Variants in ARFGEF1 observed in about 807,000 individuals in gnomAD.
ARFGEF1 encodes brefeldin A-inhibited guanine nucleotide-exchange protein 1.
Under a neutral mutation model 231.0 loss-of-function variants are expected in ARFGEF1, and 42 were observed. The observed-to-expected ratio is 0.18, with a 90% CI of 0.14 to 0.24. The LOEUF is 0.24. ARFGEF1 is among the 10% of genes least tolerant of loss of function. The probability of loss-of-function intolerance (pLI) is 1.00; values close to 1 mark genes in which losing one functional copy is unlikely to be tolerated. For synonymous variants in ARFGEF1, 710 were observed against 732.3 expected (o/e 0.97, Z 0.49); for missense variants, 1,345 against 2,192.0 (o/e 0.61, Z 7.72).
chr8:67,220,719 G>A (rs911000275), intron 29 of ARFGEF1, among the ~76,000 whole-genome samples: 3 of 152,078 alleles, frequency 2.0e-5, no homozygotes, highest in African/African-American at 4.8e-5. Context: ...AGGCTCCCTC[G>A]TCCTCCATCT....
intron 1 of ARFGEF1, among the ~76,000 whole-genome samples, chr8:67,319,694 T>C (rs1414222428): frequency 6.6e-6 from 1 of 151,968 alleles, no homozygotes; most frequent in African/African-American, 2.4e-5. Flanking sequence ...AAAGAAAAAA[T>C]AAAATGGATT....
chr8:67,286,428 G>A, intron 7 of ARFGEF1, among the ~76,000 whole-genome samples: 1 of 152,164 alleles, frequency 6.6e-6, no homozygotes, highest in Non-Finnish European at 1.5e-5. Context: ...TTTTATAAAG[G>A]GTCAGATGAT....
At chr8:67,239,968 G>C (rs575788558) in intron 20 of ARFGEF1, among the ~76,000 whole-genome samples, 194 bp downstream of exon 20, 1 of 152,144 alleles carries the variant, frequency 6.6e-6, no homozygotes, top group South Asian at 2.1e-4. Context: ...GATAAACTTA[G>C]ACAGATCAGT....
At chr8:67,323,395 A>G (rs1027546518) in intron 1 of ARFGEF1, among the ~76,000 whole-genome samples, 5 of 152,202 alleles carry the variant, frequency 3.3e-5, no homozygotes, top group Admixed American at 2.0e-4. Flanking sequence ...ATAACTTAAA[A>G]GTTGATCTAC....
rs1194032624 is a variant in ARFGEF1 at position 67,222,212 on chromosome 8, CAT to C, written c.4209-2654_4209-2653del. 8.4e-3 allele frequency among the ~76,000 whole-genome samples: 985 copies of C among 117,878 alleles called. 12 individuals carry two copies. The highest frequency in any genetic ancestry group is 0.012 in the African/African-American group (345 of 28,458). 77.3% of individuals were successfully genotyped at this position (117,878 alleles called of 152,430 possible). A position where few individuals can be genotyped will look rare whatever the true frequency, so the allele number is the denominator to read the frequency against. On this transcript the variant is annotated intron_variant, in intron 29 of 38. Transcript: ENST00000262215. ...ATATATATATATATATATACACACA[CAT>C]ATATATATATGTATATGTATGTATG...
At chr8:67,236,059 C>T in intron 22 of ARFGEF1, among the ~76,000 whole-genome samples, 1 of 151,560 alleles carries the variant, frequency 6.6e-6, no homozygotes, top group Non-Finnish European at 1.5e-5. Flanking sequence ...CTTTGGGACG[C>T]CAAGGCGGGC....
chr8:67,211,274 G>A (rs1258321372), intron 34 of ARFGEF1, among the ~76,000 whole-genome samples: 2 of 150,490 alleles, frequency 1.3e-5, no homozygotes, highest in East Asian at 3.9e-4. Context: ...AACCCGGGAG[G>A]CGGAGGTTGC....
At chr8:67,275,494 T>C (rs540562065) in intron 9 of ARFGEF1, among the ~76,000 whole-genome samples, 1 of 152,258 alleles carries the variant, frequency 6.6e-6, no homozygotes, top group East Asian at 1.9e-4. Flanking sequence ...TATCTTTCAT[T>C]ACAACTTTTA....
At position 67,199,012 on chromosome 8, in the gene ARFGEF1, TC is replaced by T. The variant is rs751561947; in HGVS notation, c.5471del (p.Arg1824LysfsTer9). 1 of 1,613,082 alleles carries T rather than the reference TC, an allele frequency of 6.2e-7. No homozygotes were observed. Among genetic ancestry groups the T allele is most frequent in the Non-Finnish European group, 8.5e-7 (1 of 1,179,786 alleles). On this transcript the variant is annotated frameshift_variant, in exon 39 of 39. Transcript: ENST00000262215. LOFTEE classifies it high-confidence loss of function. ...DLIPELRAVL[R>X]RFFLRIGVVF... Reference sequence around the variant, plus strand: ...CTACTCCGATTCGCAGAAAAAATCTTCTAAGAACAGCACGAAGTTCAGGAAT... The same window carrying T: ...CTACTCCGATTCGCAGAAAAAATCTTTAAGAACAGCACGAAGTTCAGGAAT...
chr8:67,299,116 T>C, intron 4 of ARFGEF1, 93 bp downstream of exon 4: 3 of 1,205,916 alleles, frequency 2.5e-6, no homozygotes, highest in Non-Finnish European at 3.4e-6. Context: ...GGAATGCACA[T>C]AAAATGATCT....
chr8:67,288,402 T>A (rs888998612), intron 6 of ARFGEF1, among the ~76,000 whole-genome samples: 1 of 152,222 alleles, frequency 6.6e-6, no homozygotes, highest in African/African-American at 2.4e-5. Flanking sequence ...TTACTTATAC[T>A]TAGTACACAC....
rs530961146 is a variant in ARFGEF1, at chr8:67,226,664, T to C, written c.3916+473A>G. 2.6e-5 allele frequency among the ~76,000 whole-genome samples: 4 copies of C among 152,210 alleles called. No homozygotes were observed. In the East Asian group the frequency reaches 5.8e-4, roughly 22 times the overall value. On this transcript the variant is annotated intron_variant, in intron 27 of 38. Coordinates refer to ENST00000262215, the MANE Select transcript of ARFGEF1 (RefSeq NM_006421.5). ...ATGGTCATCATTGTCATCTTCCATA[T>C]AGGCTTAACTTATAATCTTAGTATT...
intron 10 of ARFGEF1, among the ~76,000 whole-genome samples, chr8:67,267,781 A>G (rs1804908402): frequency 6.6e-6 from 1 of 152,162 alleles, no homozygotes; most frequent in African/African-American, 2.4e-5. Flanking sequence ...ATCCCCCTCC[A>G]AAAGCGTAAT....
At chr8:67,337,448 A>G (rs758077874) in intron 1 of ARFGEF1, among the ~76,000 whole-genome samples, 1 of 152,144 alleles carries the variant, frequency 6.6e-6, no homozygotes. Flanking sequence ...AATGCACACA[A>G]TTATCACCCT....
At chr8:67,220,770 G>A (rs1301757313) in intron 29 of ARFGEF1, among the ~76,000 whole-genome samples, 3 of 152,142 alleles carry the variant, frequency 2.0e-5, no homozygotes, top group Non-Finnish European at 4.4e-5. Context: ...CAAGTAACTG[G>A]ATGCTGCCTC....
At chr8:67,341,460 G>A (rs1808624363) in intron 1 of ARFGEF1, among the ~76,000 whole-genome samples, 1 of 151,106 alleles carries the variant, frequency 6.6e-6, no homozygotes, top group African/African-American at 2.4e-5. Context: ...TTAGCCAGGT[G>A]TGGTGGTGTG....
At chr8:67,183,843 ATTTTT>A (rs918103972) in intron 5 of ARFGEF1, among the ~76,000 whole-genome samples, 4 of 108,212 alleles carry the variant, frequency 3.7e-5, no homozygotes, top group African/African-American at 1.2e-4. Flanking sequence ...AAAATTGGGA[ATTTTT>A]TTTTTTTTTT....
intron 1 of ARFGEF1, among the ~76,000 whole-genome samples, chr8:67,342,796 C>T (rs1048270858): frequency 2.6e-5 from 4 of 152,172 alleles, no homozygotes; most frequent in Admixed American, 1.3e-4. Flanking sequence ...ACCTCAATTT[C>T]CAAGCTAATA....
chr8:67,238,703 A>G, intron 21 of ARFGEF1, 32 bp downstream of exon 21: 1 of 1,605,088 alleles, frequency 6.2e-7, no homozygotes, highest in African/African-American at 1.3e-5. Context: ...TTTATAAACC[A>G]AATTGCAAAG....
Sources: allele counts gnomAD v4.1 joint callset (sites outside exome capture counted in the v4.1 genomes callset), GRCh38; gene constraint gnomAD v4.1.1; transcripts MANE v1.5; gene names NCBI Gene and HGNC (gene_info 2026-07-23, HGNC 2026-07-21).